The following KIAA1217 variants were observed in gnomAD, a reference collection of about 807,000 sequenced individuals.
The protein encoded by KIAA1217 is sickle tail protein homolog.
A neutral mutation model predicts 163.9 loss-of-function variants in KIAA1217; 88 were observed. The ratio of observed to expected loss-of-function variants is 0.54; its 90% CI spans 0.45 to 0.64. The LOEUF is 0.64. Ranked by LOEUF, KIAA1217 falls within the 30% of genes least tolerant of loss-of-function variation. The pLI is 0.00. For missense variants in KIAA1217, 2,372 were observed against 2,475.0 expected (o/e 0.96, Z 0.88); for synonymous variants, 903 against 923.1 (o/e 0.98, Z 0.39).
intron 2 of KIAA1217, among the ~76,000 whole-genome samples, chr10:24,195,131 G>C (rs567688076): frequency 6.6e-6 from 1 of 152,194 alleles, no homozygotes; most frequent in East Asian, 1.9e-4. Context: ...TCTCTCTCTG[G>C]GCTGGGGAAT....
In KIAA1217 at chr10:24,494,841, G is replaced by T. The variant is rs188981153; in HGVS notation, c.1784+237G>T. 1.9e-4 allele frequency: 107 copies of T among 575,744 alleles called. 1 individual carries two copies. The Admixed American group carries it at 2.8e-3, about 15-fold the overall frequency. 35.7% of individuals were successfully genotyped at this position (575,744 alleles called of 1,614,324 possible). ...CACTTTGGCCCAAGAAGGTAAATGG[G>T]CTTCCCAGTGCATGTGGCTTCATGG... On this transcript the variant is annotated intron_variant, in intron 7 of 20. Coordinates refer to ENST00000376454, the MANE Select transcript of KIAA1217 (RefSeq NM_019590.5).
At chr10:24,056,910 G>A (rs1197236641) in intron 2 of KIAA1217, among the ~76,000 whole-genome samples, 1 of 152,044 alleles carries the variant, frequency 6.6e-6, no homozygotes, top group African/African-American at 2.4e-5. Context: ...ATAATTAAAG[G>A]TTGTATTTAA....
At chr10:23,879,685 G>C (rs1840863341) in intron 1 of KIAA1217, among the ~76,000 whole-genome samples, 1 of 151,884 alleles carries the variant, frequency 6.6e-6, no homozygotes, top group Non-Finnish European at 1.5e-5. Flanking sequence ...TCTTTAATGA[G>C]TTTCTGTATA....
intron 1 of KIAA1217, among the ~76,000 whole-genome samples, chr10:23,790,973 G>A (rs919445681): frequency 2.0e-5 from 3 of 151,998 alleles, no homozygotes; most frequent in African/African-American, 7.3e-5. Context: ...GGCCTCAAGT[G>A]AGCCTCCTGC....
At chr10:24,539,957 C>T (rs2074759999) in intron 17 of KIAA1217, among the ~76,000 whole-genome samples, 1 of 152,138 alleles carries the variant, frequency 6.6e-6, no homozygotes, top group African/African-American at 2.4e-5. Flanking sequence ...TAATCCAAAT[C>T]CCAGGGCCTA....
intron 1 of KIAA1217, among the ~76,000 whole-genome samples, chr10:23,865,751 C>T (rs77923704): frequency 6.6e-5 from 10 of 152,056 alleles, no homozygotes; most frequent in African/African-American, 2.2e-4. Flanking sequence ...CTTGAAATAG[C>T]TTGTCAATGG....
At chr10:23,862,275 C>T (rs751191208) in intron 1 of KIAA1217, among the ~76,000 whole-genome samples, 26 of 152,036 alleles carry the variant, frequency 1.7e-4, no homozygotes, top group Admixed American at 2.6e-4. Flanking sequence ...TAAACATGAA[C>T]CTCTATTTCA....
intron 16 of KIAA1217, among the ~76,000 whole-genome samples, chr10:24,536,390 TA>T (rs932889906): frequency 2.0e-5 from 3 of 152,060 alleles, no homozygotes; most frequent in Admixed American, 6.6e-5. Context: ...ATAAAACTCA[TA>T]AAAAAAGAGG....
intron 2 of KIAA1217, among the ~76,000 whole-genome samples, chr10:24,051,742 G>C (rs990134299): frequency 6.6e-6 from 1 of 152,032 alleles, no homozygotes; most frequent in African/African-American, 2.4e-5. Context: ...TTGGTTATTT[G>C]TATATCTTCT....
chr10:23,958,299 G>T (rs890939139), intron 1 of KIAA1217, among the ~76,000 whole-genome samples: 5 of 152,184 alleles, frequency 3.3e-5, no homozygotes, highest in Non-Finnish European at 7.3e-5. Context: ...GTGCAGGTGG[G>T]TGGGAGGAAG....
chr10:24,282,029 C>G (rs1200696325), intron 2 of KIAA1217, among the ~76,000 whole-genome samples: 1 of 151,830 alleles, frequency 6.6e-6, no homozygotes, highest in East Asian at 1.9e-4. Context: ...TGCACTCCAG[C>G]CTGGGTGACA....
chr10:24,185,895 C>A (rs968843985), intron 2 of KIAA1217, among the ~76,000 whole-genome samples: 1 of 151,702 alleles, frequency 6.6e-6, no homozygotes, highest in Admixed American at 6.6e-5. Context: ...ACCTGGGAGG[C>A]AGAGGTTGCA....
intron 3 of KIAA1217, among the ~76,000 whole-genome samples, chr10:24,418,194 C>T (rs556346602): frequency 3.3e-5 from 5 of 152,142 alleles, no homozygotes; most frequent in East Asian, 1.9e-4. Context: ...TAGCTTCAAA[C>T]GATCCTCCTC....
intron 1 of KIAA1217, among the ~76,000 whole-genome samples, chr10:23,938,070 G>A (rs994410823): frequency 6.6e-6 from 1 of 152,120 alleles, no homozygotes; most frequent in African/African-American, 2.4e-5. Flanking sequence ...TACAGAGAAG[G>A]CCCCTCCCAT....
intron 3 of KIAA1217, among the ~76,000 whole-genome samples, chr10:24,426,139 C>T (rs1429834482): frequency 6.6e-6 from 1 of 152,198 alleles, no homozygotes; most frequent in African/African-American, 2.4e-5. Context: ...GCAGAAGACG[C>T]CCTTCAGGGA....
At chr10:23,911,397 T>C (rs1299307159) in intron 1 of KIAA1217, among the ~76,000 whole-genome samples, 3 of 152,236 alleles carry the variant, frequency 2.0e-5, no homozygotes, top group East Asian at 3.9e-4. Flanking sequence ...GTTTTCATCA[T>C]TGACAGCTTC....
chr10:24,439,018 G>T (rs963025628), intron 5 of KIAA1217, among the ~76,000 whole-genome samples: 2 of 152,102 alleles, frequency 1.3e-5, no homozygotes, highest in Admixed American at 6.6e-5. Context: ...CCATGCTGAG[G>T]TCATAATACA....
intron 1 of KIAA1217, among the ~76,000 whole-genome samples, chr10:23,878,691 A>T (rs757421591): frequency 2.6e-5 from 4 of 151,946 alleles, no homozygotes; most frequent in Non-Finnish European, 4.4e-5. Flanking sequence ...AGTGGATAAT[A>T]TATGGGCGAT....
intron 1 of KIAA1217, among the ~76,000 whole-genome samples, chr10:23,895,924 T>A (rs1841668718): frequency 7.1e-6 from 1 of 141,404 alleles, no homozygotes; most frequent in Non-Finnish European, 1.5e-5. Flanking sequence ...TTCTCACTCG[T>A]AGGTGGGAAT....
Sources: allele counts gnomAD v4.1 joint callset (sites outside exome capture counted in the v4.1 genomes callset), GRCh38; gene constraint gnomAD v4.1.1; transcripts MANE v1.5; gene names NCBI Gene and HGNC (gene_info 2026-07-23, HGNC 2026-07-21).